ZBTB25: variants seen among roughly 807,000 people sequenced by gnomAD.
ZBTB25 encodes the protein zinc finger and BTB domain-containing protein 25.
A neutral mutation model predicts 34.2 loss-of-function variants in ZBTB25; 20 were observed. The ratio of observed to expected loss-of-function variants is 0.58; its 90% CI spans 0.41 to 0.85. The LOEUF (loss-of-function observed/expected upper bound fraction) is 0.85. Among genes scored for constraint, ZBTB25 ranks in the 40% least tolerant of loss-of-function variants. The probability of loss-of-function intolerance (pLI) is 0.00; values close to 1 mark genes in which losing one functional copy is unlikely to be tolerated. For synonymous variants in ZBTB25, 175 were observed against 186.4 expected (o/e 0.94, Z 0.50); for missense variants, 437 against 521.8 (o/e 0.84, Z 1.58).
At chr14:64,494,646 T>A (rs981457381) in intron 1 of ZBTB25, among the ~76,000 whole-genome samples, 30 of 151,614 alleles carry the variant, frequency 2.0e-4, no homozygotes, top group Admixed American at 1.7e-3. Flanking sequence ...AATAAAAAAA[T>A]AAAAATAAAG....
intron 1 of ZBTB25, chr14:64,502,691 C>T (rs1241391053): frequency 3.0e-6 from 3 of 985,590 alleles, no homozygotes; most frequent in Non-Finnish European, 2.4e-6. Context: ...GTGGGGTAAA[C>T]TGGCACTGCG....
chr14:64,455,545 G>T (rs921825859), intron 2 of ZBTB25, among the ~76,000 whole-genome samples: 6 of 152,110 alleles, frequency 3.9e-5, no homozygotes, highest in African/African-American at 1.2e-4. Flanking sequence ...AGGTTAACTT[G>T]GATCCTGAAT....
rs2079579350 is a variant in ZBTB25, at chr14:64,503,788, G to A, written c.-135C>T. ...GCCTCTCGCGCGGCTTCCCGCGCCG[G>A]CAGCCCGCGATGGCCCCACGTGACC... is the stretch of plus-strand genomic sequence containing the variant. On this transcript the variant is annotated 5_prime_UTR_variant, in exon 1 of 3. Transcript: ENST00000608382. The A allele has an allele frequency of 1.0e-5, 2 of 195,750 alleles. No homozygotes were observed. The highest frequency in any genetic ancestry group is 2.4e-5 in the African/African-American group (1 of 42,260). The allele number at this position is 195,750 out of a possible 1,614,324, so 12.1% of individuals were successfully genotyped here.
exon 3 of ZBTB25, chr14:64,449,363 C>G: frequency 2.0e-6 from 3 of 1,507,712 alleles, no homozygotes; most frequent in Non-Finnish European, 2.7e-6. Flanking sequence ...GGGTAATTCA[C>G]ATGAGGTTTA....
At chr14:64,457,604 C>T (rs138178398) in intron 2 of ZBTB25, among the ~76,000 whole-genome samples, 5,225 of 151,828 alleles carry the variant, frequency 0.034, 260 homozygotes, top group African/African-American at 0.12. Flanking sequence ...TACAGGCACA[C>T]GCCACCATGC....
intron 2 of ZBTB25, chr14:64,473,043 A>G (rs2078690989): frequency 6.0e-6 from 1 of 167,038 alleles, no homozygotes; most frequent in Non-Finnish European, 1.5e-5. Flanking sequence ...GCTACTTGTT[A>G]ACTTTTTCAG....
intron 1 of ZBTB25, among the ~76,000 whole-genome samples, chr14:64,492,790 G>C (rs1331775933): frequency 1.3e-5 from 2 of 152,038 alleles, no homozygotes; most frequent in Non-Finnish European, 2.9e-5. Flanking sequence ...TATTTTTGAA[G>C]AGCAATTTAA....
chr14:64,477,502 A>G (rs928088675), downstream of ZBTB25, among the ~76,000 whole-genome samples: 14 of 152,226 alleles, frequency 9.2e-5, no homozygotes, highest in Admixed American at 9.2e-4. Context: ...GTGAAAAAAG[A>G]GCAATGTTGG....
upstream of ZBTB25, chr14:64,504,829 A>AGCGCCGC (rs1405994958): frequency 1.0e-5 from 4 of 391,508 alleles, no homozygotes; most frequent in South Asian, 1.3e-4. Context: ...CCGAGCGCCG[A>AGCGCCGC]GCGCCGCGCG....
chr14:64,469,492 T>C (rs1483816724), intron 2 of ZBTB25: 1 of 1,612,952 alleles, frequency 6.2e-7, no homozygotes, highest in Admixed American at 1.7e-5. Context: ...TAATTTCAGC[T>C]GAAAATGAGC....
At chr14:64,503,988 G>A (rs934900793), upstream of ZBTB25, 2 of 152,226 alleles carry the variant, frequency 1.3e-5, no homozygotes, top group African/African-American at 4.8e-5. Flanking sequence ...GGAAGCATAG[G>A]GACAAGCCTG....
chr14:64,480,322 C>CAAAAA lies in ZBTB25; in HGVS notation c.*6596_*6600dup, dbSNP rs745930738. ...TGGGCAACAGAGCAAGACTCCATCT[C>CAAAAA]AAAAAAAAAAAAAAAAAAAAAAAAG... On this transcript the variant is annotated 3_prime_UTR_variant, in exon 3 of 3. Transcript: ENST00000608382. 160 of 207,254 alleles carry CAAAAA rather than the reference C, an allele frequency of 7.7e-4. No homozygotes were observed. Among genetic ancestry groups the CAAAAA allele is most frequent in the Admixed American group, 1.3e-3 (15 of 11,130 alleles). 12.8% of individuals were successfully genotyped at this position (207,254 alleles called of 1,614,324 possible).
chr14:64,469,444 T>C (rs753014431), intron 2 of ZBTB25: 27 of 1,612,870 alleles, frequency 1.7e-5, no homozygotes, highest in Admixed American at 1.0e-4. Flanking sequence ...TCAGTGAATT[T>C]GATGTTACAA....
chr14:64,462,075 A>G (rs1158080259), intron 2 of ZBTB25: 1 of 152,130 alleles, frequency 6.6e-6, no homozygotes, highest in Non-Finnish European at 1.5e-5. Context: ...AATCCTCAAT[A>G]CTGGTAGGGG....
chr14:64,468,929 A>G (rs1345883497), intron 2 of ZBTB25: 1 of 1,614,230 alleles, frequency 6.2e-7, no homozygotes, highest in South Asian at 1.1e-5. Context: ...GGCTAAGTCA[A>G]CCCAGGATCT....
Position 64,490,454 on chromosome 14 carries a change from G to C in ZBTB25, c.80C>G (p.Thr27Arg). The C allele has an allele frequency of 6.2e-7, 1 of 1,613,796 alleles. No homozygotes were observed. The highest frequency in any genetic ancestry group is 8.5e-7 in the Non-Finnish European group (1 of 1,179,824). Residue 27 changes from threonine (T) to arginine (R), a missense_variant, in exon 2 of 3, where the codon ACA (threonine) becomes AGA (arginine). Physicochemically the swap from Thr to Arg is moderately conservative, Grantham distance 71. Coordinates refer to ENST00000608382, the MANE Select transcript of ZBTB25 (RefSeq NM_006977.5). ...QREFGFLCDC[T>R]VAIGDVYFKA... ...GAAGTAAACATCTCCAATTGCAACTGTGCAATCACACAGAAAACCAAATTC... is the reference window on the plus strand; with the variant it reads ...GAAGTAAACATCTCCAATTGCAACTCTGCAATCACACAGAAAACCAAATTC...
chr14:64,487,326 A>C lies in ZBTB25; in HGVS notation c.905T>G (p.Val302Gly). 6.2e-7 allele frequency: 1 copy of C among 1,613,966 alleles called. No individual in the cohort carries two copies. Among genetic ancestry groups the C allele is most frequent in the Non-Finnish European group, 8.5e-7 (1 of 1,179,978 alleles). The change falls in exon 3 of 3, where the codon GTT becomes GGT. Residue 302 changes from valine to glycine, a missense_variant. Val to Gly is a moderately radical substitution (Grantham distance 109). Transcript: ENST00000608382. ...LECRRLSSFIVKENEQQPDHT... is the reference protein window; with the variant it reads ...LECRRLSSFIGKENEQQPDHT... ...GTCTGGCTGCTGTTCATTCTCCTTA[A>C]CAATGAAGGAGCTGAGCCTGCGGCA... is the stretch of plus-strand genomic sequence containing the variant.
rs78721366 is a variant in ZBTB25 at position 64,494,826 on chromosome 14, C to T, written c.-7-4286G>A. On this transcript the variant is annotated intron_variant, in intron 1 of 2. Transcript: ENST00000608382. ...GAAGTTTACAGAGAACTTTCATATA[C>T]AATAACTTATTTCTCTACTTCAGAT... is the stretch of plus-strand genomic sequence containing the variant. 4.4e-3 allele frequency among the ~76,000 whole-genome samples: 665 copies of T among 152,254 alleles called. 13 individuals carry two copies. The highest frequency in any genetic ancestry group is 0.012 in the East Asian group (60 of 5,182).
intron 1 of ZBTB25, among the ~76,000 whole-genome samples, chr14:64,497,017 T>A (rs2079301515): frequency 6.6e-6 from 1 of 152,182 alleles, no homozygotes; most frequent in Non-Finnish European, 1.5e-5. Flanking sequence ...TGATAATACA[T>A]CAAGACTGAG....
Sources: gnomAD v4.1 joint callset for allele counts (sites outside exome capture counted in the v4.1 genomes callset) on GRCh38, gnomAD v4.1.1 for gene constraint, MANE v1.5 for transcripts, NCBI Gene and HGNC (gene_info 2026-07-23, HGNC 2026-07-21) for gene names.